SDK1: variants seen among roughly 807,000 people sequenced by gnomAD.
The protein encoded by SDK1 is sidekick cell adhesion molecule 1, also known as protein sidekick-1.
In SDK1, 157 loss-of-function variants were observed where a neutral mutation model predicts 245.5. That is an observed-to-expected ratio of 0.64 (90% CI 0.56 to 0.73). SDK1 has a LOEUF of 0.73. Ranked by LOEUF, SDK1 falls within the 30% of genes least tolerant of loss-of-function variation. The probability of loss-of-function intolerance (pLI) is 0.00; values close to 1 mark genes in which losing one functional copy is unlikely to be tolerated. For synonymous variants in SDK1, 1,647 were observed against 1,278.5 expected (o/e 1.29, Z -6.15); for missense variants, 3,583 against 3,002.3 (o/e 1.19, Z -4.52).
intron 26 of SDK1, 75 bp from the exon 27 acceptor site, chr7:4,129,833 G>T: frequency 5.0e-6 from 8 of 1,588,240 alleles, no homozygotes; most frequent in Non-Finnish European, 6.9e-6. Context: ...TTCACGAAGG[G>T]GGCCTGCCCC....
chr7:3,942,829 C>T (rs1562554450), intron 5 of SDK1, among the ~76,000 whole-genome samples: 1 of 152,132 alleles, frequency 6.6e-6, no homozygotes, highest in African/African-American at 2.4e-5. Context: ...GTAACAAAGC[C>T]GCTTCTCGTT....
chr7:3,820,471 C>T (rs1345499819), intron 4 of SDK1, among the ~76,000 whole-genome samples: 1 of 152,102 alleles, frequency 6.6e-6, no homozygotes, highest in East Asian at 1.9e-4. Flanking sequence ...ACAAATTTTA[C>T]CACCCTCATC....
At chr7:4,207,979 AC>A in intron 36 of SDK1, 119 bp from the exon 37 acceptor site, 1 of 746,770 alleles carries the variant, frequency 1.3e-6, no homozygotes, top group African/African-American at 1.8e-5. Context: ...CCACCTTCCC[AC>A]CCAGCACAGC....
At chr7:3,801,786 A>G (rs922750655) in intron 4 of SDK1, among the ~76,000 whole-genome samples, 1 of 151,942 alleles carries the variant, frequency 6.6e-6, no homozygotes, top group African/African-American at 2.4e-5. Flanking sequence ...GGGCCTTTGC[A>G]CTTGGAGCTC....
intron 41 of SDK1, among the ~76,000 whole-genome samples, chr7:4,233,639 A>C (rs1401320806): frequency 6.6e-6 from 1 of 151,964 alleles, no homozygotes; most frequent in East Asian, 1.9e-4. Flanking sequence ...CGGGAGAGAG[A>C]AATGAAGTCA....
At chr7:4,148,780 G>A (rs949090902) in intron 29 of SDK1, among the ~76,000 whole-genome samples, 7 of 152,208 alleles carry the variant, frequency 4.6e-5, no homozygotes, top group African/African-American at 1.7e-4. Context: ...CTGCTCAGCT[G>A]GGTGTAGTGG....
At chr7:4,149,033 T>A (rs986518166) in intron 29 of SDK1, among the ~76,000 whole-genome samples, 1 of 150,794 alleles carries the variant, frequency 6.6e-6, no homozygotes, top group South Asian at 2.1e-4. Context: ...TCCAACCTGG[T>A]GACAGAGTGA....
At position 4,161,802 on chromosome 7, in the gene SDK1, G is replaced by A. The variant is rs370128456; in HGVS notation, c.4746G>A (p.Pro1582=). Residue 1582 remains proline, a synonymous_variant, in exon 32 of 45, where the codon CCG becomes CCA. Transcript: ENST00000404826. ...GTGTTTCAGTTCCAGGAGAGCCCCC[G>A]GGATCTGTCTCAGCGACGCCACACA... ...TTLQDVPGEP[P]GSVSATPHTT... 3.3e-5 allele frequency: 54 copies of A among 1,613,936 alleles called. No individual in the cohort carries two copies. Among genetic ancestry groups the A allele is most frequent in the African/African-American group, 9.3e-5 (7 of 74,924 alleles).
intron 1 of SDK1, among the ~76,000 whole-genome samples, chr7:3,554,791 AAAAC>A (rs945742533): frequency 6.6e-6 from 1 of 152,240 alleles, no homozygotes; most frequent in African/African-American, 2.4e-5. Flanking sequence ...GTCTATGCCA[AAAAC>A]AAACAATCTG....
At chr7:3,544,231 T>C (rs1440017105) in intron 1 of SDK1, among the ~76,000 whole-genome samples, 2 of 152,240 alleles carry the variant, frequency 1.3e-5, no homozygotes, top group Non-Finnish European at 2.9e-5. Context: ...ACCATATGTA[T>C]CCATCTTGGT....
intron 22 of SDK1, among the ~76,000 whole-genome samples, chr7:4,083,546 C>CTCCCTCCCTCCCTCACTCCCTTCA (rs1210727847): frequency 1.1e-5 from 1 of 93,138 alleles, no homozygotes; most frequent in African/African-American, 5.8e-5. Flanking sequence ...CCCTCCCTCC[C>CTCCCTCCCTCCCTCACTCCCTTCA]TCCCTCCCTC....
At chr7:3,673,548 T>C (rs1335649343) in intron 4 of SDK1, among the ~76,000 whole-genome samples, 3 of 152,230 alleles carry the variant, frequency 2.0e-5, no homozygotes, top group Non-Finnish European at 4.4e-5. Context: ...CGGCCTGTTA[T>C]TACATGAGTT....
chr7:3,484,465 G>T (rs116918790), intron 1 of SDK1, among the ~76,000 whole-genome samples: 1 of 152,304 alleles, frequency 6.6e-6, no homozygotes, highest in Non-Finnish European at 1.5e-5. Flanking sequence ...GTAGACCGAG[G>T]AACGGCTATA....
intron 1 of SDK1, among the ~76,000 whole-genome samples, chr7:3,568,950 C>A (rs892741615): frequency 6.6e-6 from 1 of 150,650 alleles, no homozygotes; most frequent in African/African-American, 2.4e-5. Context: ...TGCAAATAAA[C>A]ATTTATTTTT....
At chr7:4,155,880 G>A (rs1369733858) in intron 30 of SDK1, among the ~76,000 whole-genome samples, 3 of 152,088 alleles carry the variant, frequency 2.0e-5, no homozygotes, top group East Asian at 1.9e-4. Flanking sequence ...ACAGATAGTC[G>A]TCAAGGAAAT....
chr7:3,523,141 T>C (rs1051146750), intron 1 of SDK1, among the ~76,000 whole-genome samples: 2 of 152,206 alleles, frequency 1.3e-5, no homozygotes, highest in African/African-American at 4.8e-5. Context: ...TGTATATTTT[T>C]GACAAAGCTT....
intron 4 of SDK1, among the ~76,000 whole-genome samples, chr7:3,716,345 C>T (rs1785201274): frequency 6.6e-6 from 1 of 151,826 alleles, no homozygotes; most frequent in South Asian, 2.1e-4. Context: ...AATTTGAAGA[C>T]ACTTAAACTT....
chr7:4,033,954 A>G (rs377578238), intron 17 of SDK1, among the ~76,000 whole-genome samples: 1 of 152,204 alleles, frequency 6.6e-6, no homozygotes, highest in African/African-American at 2.4e-5. Context: ...TGTATACATC[A>G]CAAAGGAAAA....
intron 1 of SDK1, among the ~76,000 whole-genome samples, chr7:3,497,269 G>A (rs1782053634): frequency 6.6e-6 from 1 of 152,068 alleles, no homozygotes; most frequent in African/African-American, 2.4e-5. Context: ...CATTCCCAGG[G>A]CTAAAACTGT....
Sources: gnomAD v4.1 joint callset for allele counts (sites outside exome capture counted in the v4.1 genomes callset) on GRCh38, gnomAD v4.1.1 for gene constraint, MANE v1.5 for transcripts, NCBI Gene and HGNC (gene_info 2026-07-23, HGNC 2026-07-21) for gene names.